TRPC1: variants seen among roughly 807,000 people sequenced by gnomAD.
The protein encoded by TRPC1 is short transient receptor potential channel 1.
A neutral mutation model predicts 88.2 loss-of-function variants in TRPC1; 42 were observed. The observed-to-expected ratio is 0.48, with a 90% CI of 0.37 to 0.62. TRPC1 has a LOEUF of 0.62. Among genes scored for constraint, TRPC1 ranks in the 20% least tolerant of loss-of-function variants. TRPC1 has a pLI of 0.00. For missense variants in TRPC1, 699 were observed against 957.3 expected, an observed-to-expected ratio of 0.73 and a Z score of 3.56; for synonymous variants, 288 against 331.8, an observed-to-expected ratio of 0.87 and a Z score of 1.43.
intron 9 of TRPC1, among the ~76,000 whole-genome samples, chr3:142,797,903 A>G (rs1936500942): frequency 6.6e-6 from 1 of 152,154 alleles, no homozygotes; most frequent in Non-Finnish European, 1.5e-5. Context: ...TTTACTGGAT[A>G]ATTATCAGAT....
At chr3:142,744,738 AT>A (rs900218120) in intron 3 of TRPC1, among the ~76,000 whole-genome samples, 2 of 152,092 alleles carry the variant, frequency 1.3e-5, no homozygotes, top group African/African-American at 4.8e-5. Flanking sequence ...CAAATTATGG[AT>A]TTTTTTGTAC....
intron 4 of TRPC1, among the ~76,000 whole-genome samples, chr3:142,773,513 A>G (rs1441590173): frequency 1.3e-5 from 2 of 151,628 alleles, no homozygotes; most frequent in African/African-American, 4.8e-5. Context: ...AATGAAAAGG[A>G]ATACAGGCCG....
intron 9 of TRPC1, among the ~76,000 whole-genome samples, chr3:142,799,370 C>T (rs1176756913): frequency 6.6e-6 from 1 of 152,172 alleles, no homozygotes; most frequent in African/African-American, 2.4e-5. Flanking sequence ...CTTATAATCT[C>T]TCAGTCTAAA....
chr3:142,770,263 A>G (rs1231425778), intron 4 of TRPC1, among the ~76,000 whole-genome samples: 1 of 151,524 alleles, frequency 6.6e-6, no homozygotes, highest in African/African-American at 2.4e-5. Context: ...CGTCTGGCTA[A>G]TTTTTGTCTT....
At position 142,724,267 on chromosome 3, in the gene TRPC1, T is replaced by G. The variant is rs1933559444; in HGVS notation, c.-293T>G. The G allele has an allele frequency of 5.8e-6, 1 of 173,440 alleles. No individual in the cohort carries two copies. Among genetic ancestry groups the G allele is most frequent in the Non-Finnish European group, 1.2e-5 (1 of 82,250 alleles). The allele number at this position is 173,440 out of a possible 1,614,324, so 10.7% of individuals were successfully genotyped here. ...GCTGCCGCCCTGGCGCGCGCCACAC[T>G]GTCGTCCCCGGACGGGCGCGGACCG... is the stretch of plus-strand genomic sequence containing the variant. On this transcript the variant is annotated 5_prime_UTR_variant, in exon 1 of 13. Coordinates refer to ENST00000476941, the MANE Select transcript of TRPC1 (RefSeq NM_001251845.2). This position sits in a 1 kb window ranked among gnomAD's most constrained non-coding sequence, Gnocchi z 5.6.
At chr3:142,758,481 T>C (rs1396575479) in intron 4 of TRPC1, among the ~76,000 whole-genome samples, 1 of 152,158 alleles carries the variant, frequency 6.6e-6, no homozygotes, top group Non-Finnish European at 1.5e-5. Flanking sequence ...TAAAATCAGA[T>C]TATTTATTTT....
rs1170158586 is a variant in TRPC1, at chr3:142,792,884, G to A, written c.1498G>A (p.Gly500Arg). 1 of 1,609,558 alleles carries A rather than the reference G, an allele frequency of 6.2e-7. No individual in the cohort carries two copies. The highest frequency in any genetic ancestry group is 8.5e-7 in the Non-Finnish European group (1 of 1,177,548). Residue 500 changes from glycine (G) to arginine (R), a missense_variant, in exon 9 of 13, where the codon GGG (glycine) becomes AGG (arginine). Physicochemically the swap from Gly to Arg is moderately radical, Grantham distance 125. Around this residue, in one of 4 missense-constraint regions of TRPC1, gnomAD observed 426 missense variants for 641.3 expected, o/e 0.66. Transcript: ENST00000476941. This position sits in a 1 kb window ranked among gnomAD's most constrained non-coding sequence, Gnocchi z 4.0. The stretch of plus-strand genomic sequence containing the variant: ...ATTCCATCCTACACTGGTGGCAGAA[G>A]GGCTTTTTGCATTTGCAAATGTTCT... Reference protein sequence around the residue: ...DAFHPTLVAEGLFAFANVLSY... With the variant: ...DAFHPTLVAERLFAFANVLSY...
chr3:142,731,517 T>C (rs1162873083), intron 1 of TRPC1, among the ~76,000 whole-genome samples: 1 of 151,410 alleles, frequency 6.6e-6, no homozygotes, highest in Non-Finnish European at 1.5e-5. Context: ...CCCAAGTAGC[T>C]GGGACTACAG....
intron 1 of TRPC1, among the ~76,000 whole-genome samples, chr3:142,733,888 G>A (rs574482164): frequency 8.5e-5 from 13 of 152,300 alleles, no homozygotes; most frequent in African/African-American, 2.9e-4. Flanking sequence ...CTCCATGGGT[G>A]GGGATAAGAG....
chr3:142,734,821 G>T (rs1163418129), intron 1 of TRPC1, among the ~76,000 whole-genome samples: 1 of 151,980 alleles, frequency 6.6e-6, no homozygotes, highest in East Asian at 1.9e-4. Flanking sequence ...TGAGTCCTAA[G>T]CAGAATAAAT....
In TRPC1 at chr3:142,807,654, A is replaced by ATTC. The variant is rs1346659988; in HGVS notation, c.*1422_*1424dup. The ATTC allele has an allele frequency of 2.6e-5, 4 of 152,106 alleles. No homozygotes were observed. The highest frequency in any genetic ancestry group is 4.4e-5 in the Non-Finnish European group (3 of 68,014). 9.4% of individuals were successfully genotyped at this position (152,106 alleles called of 1,614,324 possible). A position where few individuals can be genotyped will look rare whatever the true frequency, so the allele number is the denominator to read the frequency against. ...TTTAAGTGTTCCCTCTTTGGGGCAAATTCTTATAAAAATGTTTATTGTAAA... is the reference window on the plus strand; with the variant it reads ...TTTAAGTGTTCCCTCTTTGGGGCAAATTCTTCTTATAAAAATGTTTATTGTAAA... On this transcript the variant is annotated 3_prime_UTR_variant, in exon 13 of 13. Transcript: ENST00000476941.
chr3:142,727,430 A>G (rs1046884424), intron 1 of TRPC1, among the ~76,000 whole-genome samples: 1 of 152,238 alleles, frequency 6.6e-6, no homozygotes, highest in African/African-American at 2.4e-5. Flanking sequence ...ATGTGTACAG[A>G]TTAAAGAGTA....
At chr3:142,764,489 C>G (rs1935316951) in intron 4 of TRPC1, among the ~76,000 whole-genome samples, 1 of 152,044 alleles carries the variant, frequency 6.6e-6, no homozygotes, top group Non-Finnish European at 1.5e-5. Context: ...CTGGGAAAGA[C>G]TTTATCTCTA....
chr3:142,755,329 G>A (rs1259760262), intron 4 of TRPC1, among the ~76,000 whole-genome samples: 2 of 152,174 alleles, frequency 1.3e-5, no homozygotes, highest in East Asian at 1.9e-4. Flanking sequence ...GGAGGCTGAG[G>A]CAGGAGAATC....
intron 9 of TRPC1, among the ~76,000 whole-genome samples, chr3:142,796,158 T>TGTTA (rs1003705647): frequency 1.3e-5 from 2 of 152,062 alleles, no homozygotes; most frequent in Non-Finnish European, 2.9e-5. Context: ...TTAAGTAACT[T>TGTTA]GCGCAAGGTC....
chr3:142,754,534 A>G (rs1934892356), intron 4 of TRPC1, among the ~76,000 whole-genome samples: 1 of 152,204 alleles, frequency 6.6e-6, no homozygotes, highest in Non-Finnish European at 1.5e-5. Flanking sequence ...AAAGTATAAT[A>G]AAAAAATAAA....
intron 9 of TRPC1, among the ~76,000 whole-genome samples, chr3:142,795,857 C>G (rs535504544): frequency 4.0e-5 from 6 of 151,806 alleles, no homozygotes; most frequent in African/African-American, 9.6e-5. Flanking sequence ...GTTTCTTTTG[C>G]TTTTATGAAG....
chr3:142,786,059 G>A (rs138211152), intron 7 of TRPC1, among the ~76,000 whole-genome samples: 6 of 152,094 alleles, frequency 3.9e-5, no homozygotes, highest in Non-Finnish European at 5.9e-5. Flanking sequence ...CCTTCTGTGT[G>A]TCGGGGTGCG....
In TRPC1 at chr3:142,777,225, A is replaced by G. The variant is rs1220796627; in HGVS notation, c.633-407A>G. Among the ~76,000 whole-genome samples, 7 of 152,262 alleles carry G rather than the reference A, an allele frequency of 4.6e-5. No individual in the cohort carries two copies. The East Asian group carries it at 1.4e-3, about 29-fold the overall frequency. On this transcript the variant is annotated intron_variant, in intron 4 of 12. Coordinates refer to ENST00000476941, the MANE Select transcript of TRPC1 (RefSeq NM_001251845.2). ...CTGAAGTGGGAGGATCCCTTGGCCC[A>G]GGTGTTCGAGACTAAGGCAAGCTGT...
Sources: allele counts gnomAD v4.1 joint callset (sites outside exome capture counted in the v4.1 genomes callset), GRCh38; gene constraint gnomAD v4.1.1; regional missense constraint gnomAD v4.1.1; non-coding constraint Gnocchi (gnomAD v3.1); transcripts MANE v1.5; gene names NCBI Gene and HGNC (gene_info 2026-07-23, HGNC 2026-07-21).